Variants in LNX1 observed in about 807,000 individuals in gnomAD.
LNX1 encodes E3 ubiquitin-protein ligase LNX.
LNX1 carries 54 observed loss-of-function variants against 68.4 expected under a neutral mutation model. That is an observed-to-expected ratio of 0.79 (90% CI 0.63 to 0.99). LNX1 has a LOEUF of 0.99. Among genes scored for constraint, LNX1 ranks in the 50% least tolerant of loss-of-function variants. The pLI is 0.00. For synonymous variants in LNX1, 336 were observed against 350.0 expected, an observed-to-expected ratio of 0.96 and a Z score of 0.45; for missense variants, 906 against 926.4, an observed-to-expected ratio of 0.98 and a Z score of 0.29.
chr4:53,533,225 C>T (rs1728136406), intron 2 of LNX1, among the ~76,000 whole-genome samples: 1 of 152,156 alleles, frequency 6.6e-6, no homozygotes, highest in South Asian at 2.1e-4. Flanking sequence ...CTGAGGCACA[C>T]GGAGACTTGC....
upstream of LNX1, among the ~76,000 whole-genome samples, chr4:53,595,879 C>T (rs1034073111): frequency 6.6e-6 from 1 of 151,628 alleles, no homozygotes; most frequent in African/African-American, 2.4e-5. Context: ...ATTTTTTTTT[C>T]CCATGACATA....
chr4:53,544,258 C>T (rs1404571747), intron 2 of LNX1, among the ~76,000 whole-genome samples: 2 of 151,442 alleles, frequency 1.3e-5, no homozygotes, highest in Non-Finnish European at 2.9e-5. Context: ...GCAGTGGTGC[C>T]ATCTCAGCTC....
intron 1 of LNX1, among the ~76,000 whole-genome samples, chr4:53,577,495 A>T (rs763457066): frequency 6.6e-6 from 1 of 152,234 alleles, no homozygotes; most frequent in African/African-American, 2.4e-5. Context: ...TGTGGAAGGC[A>T]TCAGATACTT....
In LNX1 at chr4:53,481,780, G is replaced by C. The variant is rs201113367; in HGVS notation, c.1425C>G (p.Ala475=). 2.5e-6 allele frequency: 4 copies of C among 1,613,714 alleles called. No individual in the cohort carries two copies. Among genetic ancestry groups the C allele is most frequent in the Middle Eastern group, 1.7e-4 (1 of 6,058 alleles). The change falls in exon 7 of 11, where the codon GCC becomes GCG. Residue 475 remains alanine (A), a synonymous_variant. Coordinates refer to ENST00000263925, the MANE Select transcript of LNX1 (RefSeq NM_001126328.3). ...RQRSPDIFQE[A]GWNSNGSWSP... is the part of the protein sequence containing the mutation. ...ACCAGCTGCCATTGCTGTTCCAGCC[G>C]GCTTCCTGAAAGATGTCAGGGCTCC...
At chr4:53,515,368 A>T (rs1031789994) in intron 2 of LNX1, among the ~76,000 whole-genome samples, 1 of 152,188 alleles carries the variant, frequency 6.6e-6, no homozygotes, top group Non-Finnish European at 1.5e-5. Flanking sequence ...AAATTACAGC[A>T]TTGGGAATTG....
At chr4:53,554,280 AG>A (rs1729728469) in intron 2 of LNX1, among the ~76,000 whole-genome samples, 1 of 152,166 alleles carries the variant, frequency 6.6e-6, no homozygotes, top group African/African-American at 2.4e-5. Flanking sequence ...CTCATTTGCC[AG>A]TTCTGGGTCT....
intron 8 of LNX1, 125 bp from the exon 9 acceptor site, chr4:53,477,106 T>C (rs1723615358): frequency 5.0e-6 from 4 of 806,912 alleles, no homozygotes; most frequent in African/African-American, 1.7e-5. Context: ...GTTTTCTTTG[T>C]TGACGGGAGG....
intron 1 of LNX1, chr4:53,579,183 G>T: frequency 1.3e-6 from 1 of 748,294 alleles, no homozygotes; most frequent in Non-Finnish European, 1.6e-6. Flanking sequence ...AGTAGACAGA[G>T]CTGTGATACA....
chr4:53,628,384 A>G (rs1425888112), intron 1 of LNX1, among the ~76,000 whole-genome samples: 1 of 152,204 alleles, frequency 6.6e-6, no homozygotes, highest in Non-Finnish European at 1.5e-5. Flanking sequence ...AGAAACATGG[A>G]AAAATGTTCA....
In LNX1 at chr4:53,572,024, G is replaced by A. The variant is rs146045438; in HGVS notation, c.380+1599C>T. On this transcript the variant is annotated intron_variant, in intron 2 of 10. Coordinates refer to ENST00000263925, the MANE Select transcript of LNX1 (RefSeq NM_001126328.3). Reference sequence around the variant, plus strand: ...ACAGCAGCAACAAGAAATGAACACAGCTCCCCAGCACAAATGTATAATTGC... The same window carrying A: ...ACAGCAGCAACAAGAAATGAACACAACTCCCCAGCACAAATGTATAATTGC... Among the ~76,000 whole-genome samples, 7 of 152,250 alleles carry A rather than the reference G, an allele frequency of 4.6e-5. No homozygotes were observed. The East Asian group carries it at 1.2e-3, about 25-fold the overall frequency.
intron 1 of LNX1, among the ~76,000 whole-genome samples, chr4:53,623,134 G>A (rs756011482): frequency 5.3e-5 from 8 of 151,950 alleles, no homozygotes; most frequent in East Asian, 1.9e-4. Flanking sequence ...TACATTGCAC[G>A]GCTGGACTAT....
Position 53,481,827 on chromosome 4 carries a change from C to T in LNX1, c.1378G>A (p.Val460Met), listed in dbSNP as rs145875378. 32 of 1,610,268 alleles carry T rather than the reference C, an allele frequency of 2.0e-5. No homozygotes were observed. The highest frequency in any genetic ancestry group is 2.4e-5 in the Non-Finnish European group (28 of 1,177,908). ...CTCCGCTGCCGAACCTGGCGGGACACGACGAGGTGAACACGTCTTTCACTG... is the reference window on the plus strand; with the variant it reads ...CTCCGCTGCCGAACCTGGCGGGACATGACGAGGTGAACACGTCTTTCACTG... ...QASERRVHLV[V>M]SRQVRQRSPD... The change falls in exon 7 of 11, where the codon GTG becomes ATG. Residue 460 changes from valine (V) to methionine (M), a missense_variant. Physicochemically the swap from Val to Met is conservative, Grantham distance 21 (BLOSUM62 1). Transcript: ENST00000263925.
At chr4:53,467,499 T>TGAA (rs1722776619) in intron 9 of LNX1, among the ~76,000 whole-genome samples, 1 of 152,058 alleles carries the variant, frequency 6.6e-6, no homozygotes, top group African/African-American at 2.4e-5. Context: ...GAGAATGACT[T>TGAA]CAACAAGTTG....
At chr4:53,466,365 C>T (rs1470721620) in intron 9 of LNX1, among the ~76,000 whole-genome samples, 1 of 152,190 alleles carries the variant, frequency 6.6e-6, no homozygotes, top group African/African-American at 2.4e-5. Context: ...AAAAAGAAAC[C>T]TGAAGACAGC....
intron 2 of LNX1, among the ~76,000 whole-genome samples, chr4:53,570,421 A>G (rs1395172173): frequency 6.9e-6 from 1 of 144,580 alleles, no homozygotes; most frequent in Non-Finnish European, 1.5e-5. Flanking sequence ...AGAACAAAAA[A>G]CCAAATACCG....
chr4:53,491,126 A>G (rs1724647520), intron 6 of LNX1, among the ~76,000 whole-genome samples: 1 of 152,322 alleles, frequency 6.6e-6, no homozygotes, highest in South Asian at 2.1e-4. Context: ...CATGATGAGT[A>G]AGAGTTTTTC....
At chr4:53,576,850 G>A (rs909230581) in intron 1 of LNX1, among the ~76,000 whole-genome samples, 3 of 152,172 alleles carry the variant, frequency 2.0e-5, no homozygotes, top group African/African-American at 4.8e-5. Flanking sequence ...GGTTGTTTGT[G>A]CAAACATAGC....
chr4:53,483,003 G>T (rs1724046196), intron 6 of LNX1, among the ~76,000 whole-genome samples: 2 of 152,138 alleles, frequency 1.3e-5, no homozygotes, highest in African/African-American at 4.8e-5. Context: ...TTATTGGAAA[G>T]GTCCACTCCA....
intron 2 of LNX1, among the ~76,000 whole-genome samples, chr4:53,525,602 T>C (rs1727555837): frequency 6.6e-6 from 1 of 152,194 alleles, no homozygotes; most frequent in Non-Finnish European, 1.5e-5. Flanking sequence ...TCATCCCCCA[T>C]AAAGAGAGAA....
Sources: gnomAD v4.1 joint callset for allele counts (sites outside exome capture counted in the v4.1 genomes callset) on GRCh38, gnomAD v4.1.1 for gene constraint, MANE v1.5 for transcripts, NCBI Gene and HGNC (gene_info 2026-07-23, HGNC 2026-07-21) for gene names.